The following JMY variants were observed in gnomAD, a reference collection of about 807,000 sequenced individuals.
JMY encodes the protein junction-mediating and -regulatory protein.
A neutral mutation model predicts 103.3 loss-of-function variants in JMY; 46 were observed. That is an observed-to-expected ratio of 0.45 (90% CI 0.35 to 0.57). The LOEUF is 0.57. Among genes scored for constraint, JMY ranks in the 20% least tolerant of loss-of-function variants. JMY has a pLI of 0.00. For missense variants in JMY, 1,238 were observed against 1,255.2 expected, an observed-to-expected ratio of 0.99 and a Z score of 0.21; for synonymous variants, 526 against 489.3, an observed-to-expected ratio of 1.07 and a Z score of -0.99.
At chr5:79,279,872 G>A (rs944821586) in intron 2 of JMY, among the ~76,000 whole-genome samples, 7 of 151,960 alleles carry the variant, frequency 4.6e-5, no homozygotes, top group African/African-American at 1.7e-4. Flanking sequence ...TTTTGAGACA[G>A]CGTCTTTGTC....
chr5:79,250,277 G>A (rs1745038023), intron 1 of JMY, among the ~76,000 whole-genome samples: 1 of 152,160 alleles, frequency 6.6e-6, no homozygotes, highest in Non-Finnish European at 1.5e-5. Flanking sequence ...ACCCTCCATA[G>A]GAACTCCTAG....
intron 1 of JMY, among the ~76,000 whole-genome samples, chr5:79,268,759 A>C (rs1429702457): frequency 6.6e-6 from 1 of 152,160 alleles, no homozygotes; most frequent in African/African-American, 2.4e-5. Context: ...AAGTGCTGGG[A>C]TTACAGGCGT....
chr5:79,243,652 T>C (rs925883614), intron 1 of JMY, among the ~76,000 whole-genome samples: 1 of 152,250 alleles, frequency 6.6e-6, no homozygotes, highest in Admixed American at 6.5e-5. Flanking sequence ...ACTGCTCTTT[T>C]ACTGTAAAAT....
chr5:79,250,792 T>C (rs1451138436), intron 1 of JMY, among the ~76,000 whole-genome samples: 1 of 151,986 alleles, frequency 6.6e-6, no homozygotes, highest in Non-Finnish European at 1.5e-5. Flanking sequence ...CATTTCTGAT[T>C]AGTATTTTCA....
At chr5:79,321,320 C>G (rs1428862017) in intron 10 of JMY, among the ~76,000 whole-genome samples, 1 of 152,158 alleles carries the variant, frequency 6.6e-6, no homozygotes, top group Non-Finnish European at 1.5e-5. Flanking sequence ...TGTTCTTACT[C>G]TAGTAGCAGT....
At chr5:79,276,530 A>G (rs930060721) in intron 1 of JMY, among the ~76,000 whole-genome samples, 11 of 152,076 alleles carry the variant, frequency 7.2e-5, no homozygotes, top group Non-Finnish European at 1.0e-4. Context: ...CCTGGGCTCA[A>G]TTCTCATGCC....
chr5:79,271,875 G>A (rs929465679), intron 1 of JMY, among the ~76,000 whole-genome samples: 2 of 152,112 alleles, frequency 1.3e-5, no homozygotes, highest in African/African-American at 2.4e-5. Context: ...TTGGGAGGCC[G>A]AGGCAGGCGG....
chr5:79,314,487 A>T lies in JMY; in HGVS notation c.2295A>T (p.Gln765His), dbSNP rs766839419. The change falls in exon 9 of 11, where the codon CAA (glutamine) becomes CAT (histidine). Residue 765 changes from glutamine (Q) to histidine (H), a missense_variant. By Grantham distance (24) the Gln-to-His change is conservative (BLOSUM62 0). Transcript: ENST00000396137. ...LVQLEDTSLT[Q>H]LEATSLPLSG... is the part of the protein sequence containing the mutation. ...AACTTGAAGATACTTCATTAACACA[A>T]CTTGAAGCCACCTCATTACCTCTCA... 1.1e-5 allele frequency: 17 copies of T among 1,613,994 alleles called. No homozygotes were observed. In the Admixed American group the frequency reaches 2.5e-4, roughly 24 times the overall value.
At position 79,236,600 on chromosome 5, in the gene JMY, C is replaced by A. The variant is rs1331892927; in HGVS notation, c.-51C>A. The A allele has an allele frequency of 7.6e-7, 1 of 1,319,936 alleles. No individual in the cohort carries two copies. The highest frequency in any genetic ancestry group is 9.8e-7 in the Non-Finnish European group (1 of 1,023,188). The allele number at this position is 1,319,936 out of a possible 1,614,324, so 81.8% of individuals were successfully genotyped here. On this transcript the variant is annotated 5_prime_UTR_variant, in exon 1 of 11. Transcript: ENST00000396137. Reference sequence around the variant, plus strand: ...CGCGGCGCAGCCAGCGGGGAGTCCTCGGGCGGGCCGGGCCGGCGGCCCTTC... The same window carrying A: ...CGCGGCGCAGCCAGCGGGGAGTCCTAGGGCGGGCCGGGCCGGCGGCCCTTC...
At chr5:79,287,258 C>T (rs1746295604) in intron 2 of JMY, among the ~76,000 whole-genome samples, 1 of 152,172 alleles carries the variant, frequency 6.6e-6, no homozygotes, top group Non-Finnish European at 1.5e-5. Flanking sequence ...CAGATAGAAG[C>T]ATATCTCCTC....
At chr5:79,302,083 C>CAAAAAAAAAA (rs33983370) in intron 6 of JMY, among the ~76,000 whole-genome samples, 1 of 102,618 alleles carries the variant, frequency 9.7e-6, no homozygotes, top group African/African-American at 3.9e-5. Context: ...AACTCCGTCT[C>CAAAAAAAAAA]AAAAAAAAAA....
intron 1 of JMY, among the ~76,000 whole-genome samples, chr5:79,249,285 G>A (rs779222502): frequency 6.6e-6 from 1 of 152,166 alleles, no homozygotes; most frequent in Non-Finnish European, 1.5e-5. Flanking sequence ...GCCTCCCAAA[G>A]TGCTGGGATT....
At chr5:79,272,649 T>G (rs1745818594) in intron 1 of JMY, among the ~76,000 whole-genome samples, 1 of 152,186 alleles carries the variant, frequency 6.6e-6, no homozygotes, top group Admixed American at 6.5e-5. Flanking sequence ...CATCTCTTTT[T>G]AAGAGACAGG....
rs34558016 is a variant in JMY at position 79,316,898 on chromosome 5, T to TAAA, written c.*3+610_*3+612dup. ...TGGGCAACAGAGTGAGACTCAGTCTTAAAAAAAAAAAAAAAAAAAAAAAAG... is the reference window on the plus strand; with the variant it reads ...TGGGCAACAGAGTGAGACTCAGTCTTAAAAAAAAAAAAAAAAAAAAAAAAAAAG... On this transcript the variant is annotated intron_variant, in intron 10 of 10. Coordinates refer to ENST00000396137, the MANE Select transcript of JMY (RefSeq NM_152405.5). Among the ~76,000 whole-genome samples the TAAA allele has an allele frequency of 3.8e-3, 318 of 83,582 alleles. 10 individuals are homozygous for TAAA. Among genetic ancestry groups the TAAA allele is most frequent in the East Asian group, 6.8e-3 (17 of 2,490 alleles). The allele number at this position is 83,582 out of a possible 152,430, so 54.8% of individuals were successfully genotyped here.
intron 10 of JMY, among the ~76,000 whole-genome samples, chr5:79,318,761 T>TATATATATATAGAGAGAGAGAG (rs1218912301): frequency 1.9e-5 from 1 of 53,612 alleles, no homozygotes; most frequent in African/African-American, 1.7e-4. Flanking sequence ...TATATATATA[T>TATATATATATAGAGAGAGAGAG]AGAGAGAGAG....
chr5:79,265,780 C>CTTTTT (rs34354467), intron 1 of JMY, among the ~76,000 whole-genome samples: 6 of 116,206 alleles, frequency 5.2e-5, no homozygotes, highest in African/African-American at 1.9e-4. Flanking sequence ...TGTGATGATT[C>CTTTTT]TTTTTTTTTT....
At position 79,266,654 on chromosome 5, in the gene JMY, A is replaced by G. The variant is rs77351445; in HGVS notation, c.1033-11256A>G. On this transcript the variant is annotated intron_variant, in intron 1 of 10. Coordinates refer to ENST00000396137, the MANE Select transcript of JMY (RefSeq NM_152405.5). ...AATTACTGTTAACTATAATTTTCCTACTATACTGTTGAATACCAGAATTTA... is the reference window on the plus strand; with the variant it reads ...AATTACTGTTAACTATAATTTTCCTGCTATACTGTTGAATACCAGAATTTA... Among the ~76,000 whole-genome samples the G allele has an allele frequency of 2.2e-4, 33 of 152,284 alleles. 1 individual carries two copies. The East Asian group carries it at 6.0e-3, about 28-fold the overall frequency.
intron 1 of JMY, among the ~76,000 whole-genome samples, chr5:79,237,954 A>G (rs1744577608): frequency 6.6e-6 from 1 of 152,116 alleles, no homozygotes; most frequent in South Asian, 2.1e-4. Flanking sequence ...GGTAATGCGC[A>G]ATTAAAGCCA....
intron 9 of JMY, among the ~76,000 whole-genome samples, chr5:79,315,602 C>T (rs1051652962): frequency 2.6e-5 from 4 of 152,144 alleles, no homozygotes; most frequent in Non-Finnish European, 4.4e-5. Context: ...AAAGCACAGT[C>T]TCCATAATAA....
Sources: gnomAD v4.1 joint callset for allele counts (sites outside exome capture counted in the v4.1 genomes callset) on GRCh38, gnomAD v4.1.1 for gene constraint, MANE v1.5 for transcripts, NCBI Gene and HGNC (gene_info 2026-07-23, HGNC 2026-07-21) for gene names.